SDK1: variants seen among roughly 807,000 people sequenced by gnomAD.
The protein encoded by SDK1 is sidekick cell adhesion molecule 1.
Under a neutral mutation model 245.5 loss-of-function variants are expected in SDK1, and 157 were observed. The observed-to-expected ratio is 0.64, with a 90% CI of 0.56 to 0.73. The LOEUF (loss-of-function observed/expected upper bound fraction) is 0.73, where lower values mean the gene tolerates loss of function less well. Among genes scored for constraint, SDK1 ranks in the 30% least tolerant of loss-of-function variants. The pLI, the probability that SDK1 is intolerant of heterozygous loss-of-function variation, is 0.00. For synonymous variants in SDK1, 1,647 were observed against 1,278.5 expected (o/e 1.29, Z -6.15); for missense variants, 3,583 against 3,002.3 (o/e 1.19, Z -4.52).
chr7:3,681,510 A>G (rs1426987485), intron 4 of SDK1, among the ~76,000 whole-genome samples: 1 of 152,214 alleles, frequency 6.6e-6, no homozygotes, highest in Non-Finnish European at 1.5e-5. Context: ...AAGTCTTCAA[A>G]TTTATTTTTC....
chr7:4,069,303 G>GTTT (rs113904701), intron 20 of SDK1, among the ~76,000 whole-genome samples: 1 of 151,970 alleles, frequency 6.6e-6, no homozygotes, highest in African/African-American at 2.4e-5. Context: ...ACAGACATCT[G>GTTT]TTTTTTTTCT....
At chr7:4,109,383 T>C (rs946507072) in intron 22 of SDK1, among the ~76,000 whole-genome samples, 1 of 152,246 alleles carries the variant, frequency 6.6e-6, no homozygotes, top group Non-Finnish European at 1.5e-5. Context: ...TTTTGAATTC[T>C]CCTGCCACCC....
chr7:3,633,377 G>T (rs965172881), intron 2 of SDK1, among the ~76,000 whole-genome samples: 1 of 152,126 alleles, frequency 6.6e-6, no homozygotes, highest in African/African-American at 2.4e-5. Context: ...TGACGCTGTG[G>T]TTTTGGCCTG....
Position 4,010,053 on chromosome 7 carries a change from G to T in SDK1, c.2132-913G>T, listed in dbSNP as rs116184946. Reference sequence around the variant, plus strand: ...CCTCTTTCTGACCATCTCTAATGTGGGTGAAAGGGACCTTAGCGCCACTTC... The same window carrying T: ...CCTCTTTCTGACCATCTCTAATGTGTGTGAAAGGGACCTTAGCGCCACTTC... On this transcript the variant is annotated intron_variant, in intron 14 of 44. Transcript: ENST00000404826. 3.8e-3 allele frequency among the ~76,000 whole-genome samples: 576 copies of T among 152,294 alleles called. 4 individuals carry two copies. Among genetic ancestry groups the T allele is most frequent in the African/African-American group, 0.013 (553 of 41,570 alleles).
intron 5 of SDK1, among the ~76,000 whole-genome samples, chr7:3,823,388 T>C (rs1409577667): frequency 2.0e-5 from 3 of 152,122 alleles, no homozygotes; most frequent in African/African-American, 7.2e-5. Context: ...AACAAGGAAG[T>C]TGGCCTTCCT....
At chr7:4,067,478 G>T (rs1779979947) in intron 19 of SDK1, among the ~76,000 whole-genome samples, 1 of 152,188 alleles carries the variant, frequency 6.6e-6, no homozygotes, top group South Asian at 2.1e-4. Flanking sequence ...ACACGGGGTT[G>T]CATACACCAT....
intron 1 of SDK1, among the ~76,000 whole-genome samples, chr7:3,399,991 G>A (rs1036634879): frequency 6.6e-6 from 1 of 152,068 alleles, no homozygotes; most frequent in African/African-American, 2.4e-5. Context: ...TGCTTGGTGA[G>A]CTCTGCATGA....
chr7:3,410,749 A>G (rs946587762), intron 1 of SDK1, among the ~76,000 whole-genome samples: 11 of 151,738 alleles, frequency 7.2e-5, no homozygotes, highest in African/African-American at 2.4e-4. Flanking sequence ...ACCATGCCCA[A>G]CTAATTTTTG....
intron 4 of SDK1, among the ~76,000 whole-genome samples, chr7:3,647,720 G>A (rs554840498): frequency 6.6e-6 from 1 of 151,964 alleles, no homozygotes; most frequent in African/African-American, 2.4e-5. Context: ...CACCGTGCCC[G>A]GCCAGTTTTA....
chr7:3,441,853 A>C (rs754941895), intron 1 of SDK1, among the ~76,000 whole-genome samples: 2 of 152,164 alleles, frequency 1.3e-5, no homozygotes, highest in Non-Finnish European at 2.9e-5. Flanking sequence ...TCATAAACCA[A>C]AAGTGATACT....
chr7:4,074,914 A>ATTTTTTTT (rs1346494463), intron 20 of SDK1, among the ~76,000 whole-genome samples: 1 of 77,074 alleles, frequency 1.3e-5, no homozygotes, highest in African/African-American at 1.0e-4. Flanking sequence ...ATATATATAT[A>ATTTTTTTT]TATTTTTTTT....
intron 1 of SDK1, among the ~76,000 whole-genome samples, chr7:3,591,275 C>T (rs1369377706): frequency 6.6e-6 from 1 of 152,078 alleles, no homozygotes; most frequent in African/African-American, 2.4e-5. Flanking sequence ...ATACTGAGTG[C>T]CAGGACCTAA....
intron 1 of SDK1, among the ~76,000 whole-genome samples, chr7:3,362,557 A>C (rs528620840): frequency 6.6e-6 from 1 of 152,248 alleles, no homozygotes; most frequent in East Asian, 1.9e-4. Flanking sequence ...TATTAAACTT[A>C]AAAATTTTTT....
intron 1 of SDK1, among the ~76,000 whole-genome samples, chr7:3,395,630 T>C (rs560857309): frequency 1.3e-5 from 2 of 152,034 alleles, no homozygotes; most frequent in Admixed American, 6.6e-5. Flanking sequence ...CCTGGACTTT[T>C]CTTTGTGGGA....
At chr7:4,028,255 T>C (rs1395530997) in intron 17 of SDK1, among the ~76,000 whole-genome samples, 1 of 152,140 alleles carries the variant, frequency 6.6e-6, no homozygotes, top group Non-Finnish European at 1.5e-5. Context: ...GAACCTTCTT[T>C]AGGCATTGAT....
intron 5 of SDK1, among the ~76,000 whole-genome samples, chr7:3,856,920 G>C (rs1780561381): frequency 6.6e-6 from 1 of 152,038 alleles, no homozygotes; most frequent in South Asian, 2.1e-4. Context: ...TAGAATTCAA[G>C]GTAAACAGTG....
At chr7:3,377,884 T>G (rs1781393533) in intron 1 of SDK1, among the ~76,000 whole-genome samples, 1 of 152,140 alleles carries the variant, frequency 6.6e-6, no homozygotes, top group Non-Finnish European at 1.5e-5. Context: ...GCTCAAGCAA[T>G]TCTCCTGCGT....
chr7:3,646,505 G>A (rs1162927104), intron 4 of SDK1, among the ~76,000 whole-genome samples: 1 of 152,084 alleles, frequency 6.6e-6, no homozygotes, highest in Non-Finnish European at 1.5e-5. Flanking sequence ...ATAGTTATCA[G>A]AATGGAAGAT....
At chr7:3,741,318 C>T (rs1166750985) in intron 4 of SDK1, among the ~76,000 whole-genome samples, 4 of 152,148 alleles carry the variant, frequency 2.6e-5, no homozygotes, top group Non-Finnish European at 4.4e-5. Context: ...GCACACTAAG[C>T]AGGAATCCCC....
Sources: gnomAD v4.1 joint callset for allele counts (sites outside exome capture counted in the v4.1 genomes callset) on GRCh38, gnomAD v4.1.1 for gene constraint, MANE v1.5 for transcripts, NCBI Gene and HGNC (gene_info 2026-07-23, HGNC 2026-07-21) for gene names.